The following TBC1D10A variants were observed in gnomAD, a reference collection of about 807,000 sequenced individuals.
The protein encoded by TBC1D10A is TBC1 domain family member 10A.
A neutral mutation model predicts 52.9 loss-of-function variants in TBC1D10A; 24 were observed. That is an observed-to-expected ratio of 0.45 (90% confidence interval 0.33 to 0.64). TBC1D10A has a LOEUF of 0.64. Ranked by LOEUF, TBC1D10A falls within the 30% of genes least tolerant of loss-of-function variation. The pLI is 0.02. For missense variants in TBC1D10A, 602 were observed against 687.9 expected (o/e 0.88, Z 1.40); for synonymous variants, 278 against 282.9 (o/e 0.98, Z 0.17).
At chr22:30,309,079 C>T (rs182970103) in intron 1 of TBC1D10A, among the ~76,000 whole-genome samples, 16 of 152,260 alleles carry the variant, frequency 1.1e-4, no homozygotes, top group African/African-American at 3.6e-4. Context: ...CCATCTCTGG[C>T]GCCCAAGCCA....
At position 30,292,861 on chromosome 22, in the gene TBC1D10A, C is replaced by A. The variant is rs1241972061; in HGVS notation, c.1051-10G>T. ...CGGGCAACTCCACCACCTGCAGGGGCAGTGACACAGGCAAGTGGACACCAA... is the reference window on the plus strand; with the variant it reads ...CGGGCAACTCCACCACCTGCAGGGGAAGTGACACAGGCAAGTGGACACCAA... On this transcript the variant is annotated splice_polypyrimidine_tract_variant and intron_variant, in intron 8 of 8. Transcript: ENST00000215790. 3 of 1,610,436 alleles carry A rather than the reference C, an allele frequency of 1.9e-6. No individual in the cohort carries two copies. Among genetic ancestry groups the A allele is most frequent in the Non-Finnish European group, 2.5e-6 (3 of 1,179,738 alleles).
At position 30,326,827 on chromosome 22, in the gene TBC1D10A, G is replaced by C; in HGVS notation, c.55C>G (p.Leu19Val). ...GPRAPAAGES[L>V]SGTRESLAQG... ...GCCAGGCTCTCCCGGGTTCCCGACA[G>C]GCTTTCCCCGGCCGCGGGCGCGCGC... The change falls in exon 1 of 9, where the codon CTG becomes GTG. Residue 19 changes from leucine to valine, a missense_variant. Around this residue, in one of 3 missense-constraint regions of TBC1D10A, gnomAD observed 201 missense variants for 204.4 expected, o/e 0.98. Coordinates refer to ENST00000215790, the MANE Select transcript of TBC1D10A (RefSeq NM_031937.3). 6.8e-7 allele frequency: 1 copy of C among 1,472,466 alleles called. No individual in the cohort carries two copies. The highest frequency in any genetic ancestry group is 8.9e-7 in the Non-Finnish European group (1 of 1,117,748). The allele number at this position is 1,472,466 out of a possible 1,614,324, so 91.2% of individuals were successfully genotyped here.
chr22:30,315,736 C>A (rs977279151), intron 1 of TBC1D10A, among the ~76,000 whole-genome samples: 1 of 152,196 alleles, frequency 6.6e-6, no homozygotes, highest in East Asian at 1.9e-4. Context: ...CACTCACGAC[C>A]CAGCTACTCC....
chr22:30,319,419 A>T (rs1225603536), intron 1 of TBC1D10A, among the ~76,000 whole-genome samples: 1 of 152,226 alleles, frequency 6.6e-6, no homozygotes, highest in Non-Finnish European at 1.5e-5. Context: ...GTAGGTGCTC[A>T]ATAAATGTGT....
intron 3 of TBC1D10A, 26 bp downstream of exon 3, chr22:30,299,418 G>T: frequency 6.2e-7 from 1 of 1,608,242 alleles, no homozygotes. Context: ...CGGAAGGGAG[G>T]GCAGGGCAAA....
chr22:30,326,892 C>G lies in TBC1D10A; in HGVS notation c.-11G>C. 1 of 1,472,274 alleles carries G rather than the reference C, an allele frequency of 6.8e-7. No individual in the cohort carries two copies. Among genetic ancestry groups the G allele is most frequent in the Non-Finnish European group, 8.9e-7 (1 of 1,119,322 alleles). The allele number at this position is 1,472,274 out of a possible 1,614,324, so 91.2% of individuals were successfully genotyped here. On this transcript the variant is annotated 5_prime_UTR_variant, in exon 1 of 9. Coordinates refer to ENST00000215790, the MANE Select transcript of TBC1D10A (RefSeq NM_031937.3). ...GTTGCTCTTCGCCATCCCAGCCGCG[C>G]CCGCCGCCTGAGCTCCAGCGGCCAC...
intron 2 of TBC1D10A, among the ~76,000 whole-genome samples, chr22:30,302,529 T>G (rs1321744870): frequency 2.0e-5 from 3 of 152,116 alleles, no homozygotes; most frequent in Non-Finnish European, 4.4e-5. Context: ...GTGCCACGAC[T>G]TCCTGACCAG....
intron 2 of TBC1D10A, 64 bp downstream of exon 2, chr22:30,304,467 C>T: frequency 6.2e-7 from 1 of 1,607,750 alleles, no homozygotes; most frequent in South Asian, 1.1e-5. Context: ...TGAAGTTCCT[C>T]CCTCTTCCTC....
chr22:30,325,189 A>T (rs1241203853), intron 1 of TBC1D10A, among the ~76,000 whole-genome samples: 1 of 152,218 alleles, frequency 6.6e-6, no homozygotes, highest in Non-Finnish European at 1.5e-5. Flanking sequence ...GTCCTGGACT[A>T]AACCTAGCCT....
At chr22:30,302,576 C>G (rs990846051) in intron 2 of TBC1D10A, among the ~76,000 whole-genome samples, 1 of 152,058 alleles carries the variant, frequency 6.6e-6, no homozygotes, top group Non-Finnish European at 1.5e-5. Context: ...GGAAGAGCCC[C>G]GAGGGCAGGG....
chr22:30,319,156 GC>G lies in TBC1D10A; in HGVS notation c.209+7516del, dbSNP rs1930600882. Among the ~76,000 whole-genome samples the G allele has an allele frequency of 2.6e-5, 4 of 152,216 alleles. 1 individual carries two copies. The South Asian group carries it at 8.3e-4, about 32-fold the overall frequency. ...TGGGCCCCCTCTCATCCAATGGACT[GC>G]CCTGCTTTGCCTCTTCTGAAGCCTG... On this transcript the variant is annotated intron_variant, in intron 1 of 8. Coordinates refer to ENST00000215790, the MANE Select transcript of TBC1D10A (RefSeq NM_031937.3).
At chr22:30,322,183 G>T (rs1456259403) in intron 1 of TBC1D10A, among the ~76,000 whole-genome samples, 1 of 152,016 alleles carries the variant, frequency 6.6e-6, no homozygotes, top group African/African-American at 2.4e-5. Context: ...GTTTCACCAT[G>T]TTGGCCAGGC....
intron 2 of TBC1D10A, among the ~76,000 whole-genome samples, chr22:30,303,408 T>C (rs1478231460): frequency 6.6e-6 from 1 of 152,208 alleles, no homozygotes; most frequent in Non-Finnish European, 1.5e-5. Context: ...TCTCCTCTCA[T>C]AGCACAGGGC....
intron 1 of TBC1D10A, among the ~76,000 whole-genome samples, chr22:30,318,379 C>T: frequency 6.6e-6 from 1 of 152,296 alleles, no homozygotes; most frequent in Non-Finnish European, 1.5e-5. Context: ...CAGGCAGAGA[C>T]CAGGAAGCTC....
At chr22:30,294,760 C>T (rs1201044330) in intron 6 of TBC1D10A, 36 bp downstream of exon 6, 1 of 1,613,766 alleles carries the variant, frequency 6.2e-7, no homozygotes, top group South Asian at 1.1e-5. Flanking sequence ...AGAGGGTGTC[C>T]AGCCCAGGGC....
intron 1 of TBC1D10A, among the ~76,000 whole-genome samples, chr22:30,315,342 G>A (rs1930513535): frequency 6.6e-6 from 1 of 152,216 alleles, no homozygotes; most frequent in Non-Finnish European, 1.5e-5. Flanking sequence ...CTTTGTGACA[G>A]ACACTGTGCT....
chr22:30,295,270 CAG>C (rs1410778412), intron 4 of TBC1D10A, among the ~76,000 whole-genome samples: 1 of 152,178 alleles, frequency 6.6e-6, no homozygotes, highest in Non-Finnish European at 1.5e-5. Flanking sequence ...TCCCCCATGA[CAG>C]GGGAGGGCAG....
rs114303493 is a variant in TBC1D10A at position 30,296,270 on chromosome 22, G to T, written c.418-427C>A. 3.1e-3 allele frequency: 524 copies of T among 167,684 alleles called. 1 individual carries two copies. The highest frequency in any genetic ancestry group is 0.012 in the African/African-American group (500 of 41,718). 10.4% of individuals were successfully genotyped at this position (167,684 alleles called of 1,614,324 possible). The stretch of plus-strand genomic sequence containing the variant: ...GCACAGGGTACCTGTGGGCCTTACT[G>T]ATCCTGCTCCCCAACCTCCAGAGAT... On this transcript the variant is annotated intron_variant, in intron 3 of 8. Transcript: ENST00000215790.
At chr22:30,294,770 C>T (rs937736455) in intron 6 of TBC1D10A, 26 bp downstream of exon 6, 8 of 1,613,920 alleles carry the variant, frequency 5.0e-6, no homozygotes, top group Non-Finnish European at 6.8e-6. Flanking sequence ...CAGCCCAGGG[C>T]AAGTCCCAGG....
Sources: allele counts gnomAD v4.1 joint callset (sites outside exome capture counted in the v4.1 genomes callset), GRCh38; gene constraint gnomAD v4.1.1; regional missense constraint gnomAD v4.1.1; transcripts MANE v1.5; gene names NCBI Gene and HGNC (gene_info 2026-07-23, HGNC 2026-07-21).